Variants in KCNC4 observed in about 807,000 individuals in gnomAD.
KCNC4 encodes voltage-gated potassium channel KCNC4.
A neutral mutation model predicts 42.8 loss-of-function variants in KCNC4; 23 were observed. The observed-to-expected ratio is 0.54, with a 90% CI of 0.39 to 0.76. The LOEUF is 0.76. KCNC4 is among the 30% of genes least tolerant of loss of function. The probability of loss-of-function intolerance (pLI) is 0.00; values close to 1 mark genes in which losing one functional copy is unlikely to be tolerated. For missense variants in KCNC4, 751 were observed against 898.2 expected (o/e 0.84, Z 2.10); for synonymous variants, 422 against 393.5 (o/e 1.07, Z -0.86).
downstream of KCNC4, among the ~76,000 whole-genome samples, chr1:110,251,392 A>T (rs928839747): frequency 7.9e-5 from 12 of 152,212 alleles, no homozygotes; most frequent in African/African-American, 2.9e-4. Flanking sequence ...TGATGGTTTT[A>T]TAAAGGGGAG....
At chr1:110,277,199 C>A (rs982410907) in intron 1 of KCNC4, among the ~76,000 whole-genome samples, 3 of 152,144 alleles carry the variant, frequency 2.0e-5, no homozygotes, top group African/African-American at 4.8e-5. Flanking sequence ...ATGTTCAGGG[C>A]CAGCCAAATG....
At chr1:110,212,255 G>A in intron 1 of KCNC4, 78 bp downstream of exon 1, 5 of 1,326,940 alleles carry the variant, frequency 3.8e-6, no homozygotes, top group South Asian at 2.0e-5. Flanking sequence ...GGGCCGGGAG[G>A]AGCAGGGACC....
chr1:110,213,368 C>T (rs1483447867), intron 1 of KCNC4, among the ~76,000 whole-genome samples: 2 of 152,046 alleles, frequency 1.3e-5, no homozygotes, highest in African/African-American at 4.8e-5. Context: ...TGGTTGGTTC[C>T]TCCAGCATCC....
chr1:110,254,093 G>GT (rs1356996770), downstream of KCNC4, among the ~76,000 whole-genome samples: 1 of 127,448 alleles, frequency 7.8e-6, no homozygotes, highest in Non-Finnish European at 1.7e-5. Context: ...CAGAAGTCGG[G>GT]GGGGGGGCGG....
intron 1 of KCNC4, among the ~76,000 whole-genome samples, chr1:110,215,359 C>T (rs973294595): frequency 2.6e-5 from 4 of 152,174 alleles, no homozygotes; most frequent in Admixed American, 2.6e-4. Context: ...AGTGAAGGCT[C>T]ACCGTGGAGA....
At chr1:110,228,045 C>T (rs1050408218) in intron 3 of KCNC4, among the ~76,000 whole-genome samples, 1 of 152,158 alleles carries the variant, frequency 6.6e-6, no homozygotes, top group Non-Finnish European at 1.5e-5. Flanking sequence ...GGGAAACAGG[C>T]CCTGCTAAGC....
At chr1:110,257,720 CAA>C (rs56333861) in intron 1 of KCNC4, among the ~76,000 whole-genome samples, 21 of 90,970 alleles carry the variant, frequency 2.3e-4, no homozygotes, top group African/African-American at 8.4e-4. Flanking sequence ...GACTCCGTCT[CAA>C]AAAAAAAAAA....
At chr1:110,258,461 C>T (rs888090478) in intron 1 of KCNC4, among the ~76,000 whole-genome samples, 1 of 152,186 alleles carries the variant, frequency 6.6e-6, no homozygotes, top group African/African-American at 2.4e-5. Flanking sequence ...TGGTCTCGAT[C>T]TCTTGACCTC....
At chr1:110,255,029 A>G (rs1258657766) in intron 1 of KCNC4, among the ~76,000 whole-genome samples, 1 of 152,226 alleles carries the variant, frequency 6.6e-6, no homozygotes, top group East Asian at 1.9e-4. Flanking sequence ...GAGACATCCA[A>G]GTATATACAG....
At chr1:110,227,555 C>T (rs1215552118) in intron 3 of KCNC4, among the ~76,000 whole-genome samples, 2 of 152,202 alleles carry the variant, frequency 1.3e-5, no homozygotes, top group African/African-American at 4.8e-5. Context: ...CCTTTGTTCA[C>T]CCCCGTGTCC....
intron 2 of KCNC4, chr1:110,225,287 G>A (rs1017121174): frequency 1.3e-5 from 2 of 152,350 alleles, no homozygotes; most frequent in African/African-American, 4.8e-5. Context: ...TTCAGATAGA[G>A]TAGCACCCCC....
intron 3 of KCNC4, among the ~76,000 whole-genome samples, chr1:110,231,976 T>C (rs531735770): frequency 1.3e-5 from 2 of 152,152 alleles, no homozygotes; most frequent in East Asian, 3.9e-4. Context: ...GCCCTAGACC[T>C]CAGACCCGAG....
In KCNC4 at chr1:110,225,979, T is replaced by C. The variant is rs1425583474; in HGVS notation, c.1620T>C (p.Ser540=). The C allele has an allele frequency of 1.2e-5, 19 of 1,591,600 alleles. No homozygotes were observed. Among genetic ancestry groups the C allele is most frequent in the Non-Finnish European group, 1.6e-5 (19 of 1,165,706 alleles). ...EGMIERKRAD[S]KQNGDANAVL... ...CTTTCTGTGTGCCCCCTTCAGACTC[T>C]AAGCAGAATGGCGATGCCAACGCAG... The change falls in exon 3 of 4, where the codon TCT becomes TCC. Residue 540 remains serine, a synonymous_variant. Transcript: ENST00000438661.
downstream of KCNC4, among the ~76,000 whole-genome samples, chr1:110,250,225 C>A (rs59742138): frequency 0.29 from 43,992 of 151,864 alleles, 7,001 homozygotes; most frequent in Non-Finnish European, 0.36. Flanking sequence ...CTTAGCTCAA[C>A]GCTCTTCTCC....
At chr1:110,261,550 G>A (rs1039956120) in intron 1 of KCNC4, among the ~76,000 whole-genome samples, 1 of 151,960 alleles carries the variant, frequency 6.6e-6, no homozygotes, top group Non-Finnish European at 1.5e-5. Context: ...GAGGATGAGT[G>A]GGAAAAGAGT....
Position 110,211,401 on chromosome 1 carries a change from C to T in KCNC4, c.-99C>T. 3 of 1,473,884 alleles carry T rather than the reference C, an allele frequency of 2.0e-6. No individual in the cohort carries two copies. Among genetic ancestry groups the T allele is most frequent in the Non-Finnish European group, 2.7e-6 (3 of 1,105,188 alleles). The allele number at this position is 1,473,884 out of a possible 1,614,324, so 91.3% of individuals were successfully genotyped here. ...GGGGGCCGCCACCGCCTCCTGCCTC[C>T]TCTTCGTCTCCTCCCCCTCCCCCGT... On this transcript the variant is annotated 5_prime_UTR_variant, in exon 1 of 4. Coordinates refer to ENST00000438661, the MANE Select transcript of KCNC4 (RefSeq NM_001039574.3). This position sits in a 1 kb window ranked among gnomAD's most constrained non-coding sequence, Gnocchi z 6.5.
chr1:110,262,165 TTATA>T (rs1165244390), intron 1 of KCNC4, among the ~76,000 whole-genome samples: 1 of 152,242 alleles, frequency 6.6e-6, no homozygotes, highest in Non-Finnish European at 1.5e-5. Flanking sequence ...AAAGATATAA[TTATA>T]TAATAAATGC....
chr1:110,273,712 C>T (rs530257868), intron 1 of KCNC4, among the ~76,000 whole-genome samples: 4 of 152,306 alleles, frequency 2.6e-5, no homozygotes, highest in Non-Finnish European at 5.9e-5. Flanking sequence ...GGGAAGAGCT[C>T]AAAGCACATG....
chr1:110,224,977 G>A (rs1216717476), intron 2 of KCNC4: 2 of 152,260 alleles, frequency 1.3e-5, no homozygotes, highest in Non-Finnish European at 2.9e-5. Flanking sequence ...ATTCCCGGGG[G>A]TCATGTCAGG....
Sources: gnomAD v4.1 joint callset for allele counts (sites outside exome capture counted in the v4.1 genomes callset) on GRCh38, gnomAD v4.1.1 for gene constraint, Gnocchi (gnomAD v3.1) non-coding constraint, MANE v1.5 for transcripts, NCBI Gene and HGNC (gene_info 2026-07-23, HGNC 2026-07-21) for gene names.